ST6GAL1: variants seen among roughly 807,000 people sequenced by gnomAD.
ST6GAL1 encodes the protein ST6 beta-galactoside alpha-2,6-sialyltransferase 1.
ST6GAL1 carries 20 observed loss-of-function variants against 38.0 expected under a neutral mutation model. The observed-to-expected ratio is 0.53, with a 90% CI of 0.37 to 0.77. The LOEUF (loss-of-function observed/expected upper bound fraction) is 0.77. ST6GAL1 is among the 30% of genes least tolerant of loss of function. ST6GAL1 has a pLI of 0.00. For synonymous variants in ST6GAL1, 196 were observed against 188.2 expected (o/e 1.04, Z -0.34); for missense variants, 432 against 496.4 (o/e 0.87, Z 1.23).
intron 1 of ST6GAL1, among the ~76,000 whole-genome samples, chr3:186,956,787 G>A (rs1224958955): frequency 6.6e-6 from 1 of 152,186 alleles, no homozygotes; most frequent in Non-Finnish European, 1.5e-5. Flanking sequence ...AGAACATCCG[G>A]TCAGTTTTTA....
At chr3:186,934,258 C>T (rs1283107368) in intron 1 of ST6GAL1, among the ~76,000 whole-genome samples, 2 of 152,128 alleles carry the variant, frequency 1.3e-5, no homozygotes, top group Non-Finnish European at 2.9e-5. Context: ...CAGGCTGGGC[C>T]AGGTGTGGTG....
intron 2 of ST6GAL1, among the ~76,000 whole-genome samples, chr3:186,990,355 A>G (rs143578605): frequency 5.7e-4 from 87 of 152,294 alleles, no homozygotes; most frequent in African/African-American, 2.0e-3. Context: ...ATCTCTATCT[A>G]TTGAATGCAG....
intron 2 of ST6GAL1, among the ~76,000 whole-genome samples, chr3:186,969,796 G>A (rs1285465343): frequency 1.3e-5 from 2 of 152,194 alleles, no homozygotes; most frequent in Non-Finnish European, 2.9e-5. Flanking sequence ...AGTTATCTAG[G>A]CGAGGGAAGG....
chr3:186,962,688 A>G (rs1004922007), intron 1 of ST6GAL1, among the ~76,000 whole-genome samples: 10 of 152,320 alleles, frequency 6.6e-5, no homozygotes, highest in South Asian at 2.1e-4. Flanking sequence ...ACTGTGTCCA[A>G]AGAAAATAAT....
rs1714596822 is a variant in ST6GAL1, at chr3:186,952,044, A to G, written c.-324-11741A>G. Among the ~76,000 whole-genome samples, 2 of 152,202 alleles carry G rather than the reference A, an allele frequency of 1.3e-5. No homozygotes were observed. The highest frequency in any genetic ancestry group is 2.9e-5 in the Non-Finnish European group (2 of 68,036). On this transcript the variant is annotated intron_variant, in intron 1 of 7. Transcript: ENST00000169298. The surrounding 1 kb of genome is among the most constrained non-coding windows in gnomAD (Gnocchi z 4.1). ...ACCTGAGACTGAGTAATTTATAAAG[A>G]AAAGAGGTTTATTTGGCTCATGATT...
intron 5 of ST6GAL1, among the ~76,000 whole-genome samples, chr3:187,070,064 A>T (rs1391178520): frequency 1.3e-5 from 2 of 152,188 alleles, no homozygotes; most frequent in Non-Finnish European, 2.9e-5. Context: ...CATTTCAGCC[A>T]GGAGGAAGAA....
At chr3:187,051,182 C>T (rs1007031456) in intron 4 of ST6GAL1, 67 bp from the exon 5 acceptor site, 27 of 1,409,148 alleles carry the variant, frequency 1.9e-5, no homozygotes, top group African/African-American at 1.6e-4. Flanking sequence ...CCCCGCCTCT[C>T]GTCTTTCTCT....
intron 5 of ST6GAL1, 54 bp downstream of exon 5, chr3:187,051,400 C>G: frequency 6.5e-7 from 1 of 1,534,478 alleles, no homozygotes; most frequent in Non-Finnish European, 9.0e-7. Flanking sequence ...AGTGTGGGCT[C>G]TAATGTGGAA....
intron 1 of ST6GAL1, among the ~76,000 whole-genome samples, chr3:186,936,755 A>G (rs1476540373): frequency 6.6e-6 from 1 of 152,120 alleles, no homozygotes; most frequent in Non-Finnish European, 1.5e-5. Flanking sequence ...AGCCTGGCCA[A>G]CATCGTGAAA....
At position 187,076,005 on chromosome 3, in the gene ST6GAL1, C is replaced by A; in HGVS notation, c.*202C>A. On this transcript the variant is annotated 3_prime_UTR_variant, in exon 8 of 8. Coordinates refer to ENST00000169298, the MANE Select transcript of ST6GAL1 (RefSeq NM_173216.2). ...CCCTGTAGCCAGACAGTTTATGAGC[C>A]CAGAGCCTCCTGCCACACACATGCA... 1 of 691,946 alleles carries A rather than the reference C, an allele frequency of 1.4e-6. No homozygotes were observed. The highest frequency in any genetic ancestry group is 2.3e-6 in the Non-Finnish European group (1 of 427,372). The allele number at this position is 691,946 out of a possible 1,614,324, so 42.9% of individuals were successfully genotyped here. A position where few individuals can be genotyped will look rare whatever the true frequency, so the allele number is the denominator to read the frequency against.
intron 5 of ST6GAL1, among the ~76,000 whole-genome samples, chr3:187,059,353 C>T (rs1718830702): frequency 1.3e-5 from 2 of 152,278 alleles, no homozygotes; most frequent in African/African-American, 4.8e-5. Context: ...AGGGTTAGGA[C>T]CAGCTTTGTC....
At chr3:186,958,830 G>A (rs1714832464) in intron 1 of ST6GAL1, among the ~76,000 whole-genome samples, 1 of 151,934 alleles carries the variant, frequency 6.6e-6, no homozygotes. Context: ...GCATGCACCT[G>A]TAATCCCAGC....
At chr3:187,001,004 G>A (rs1436379487) in intron 2 of ST6GAL1, among the ~76,000 whole-genome samples, 1 of 152,190 alleles carries the variant, frequency 6.6e-6, no homozygotes, top group African/African-American at 2.4e-5. Context: ...TGTCAGGTGA[G>A]GCCATTGTTG....
intron 2 of ST6GAL1, among the ~76,000 whole-genome samples, chr3:187,013,573 CA>C (rs1422841792): frequency 1.3e-5 from 2 of 152,148 alleles, no homozygotes; most frequent in Non-Finnish European, 2.9e-5. Context: ...CTAAAAGTGG[CA>C]ACTATTGTTT....
At chr3:186,948,511 G>A (rs979104539) in intron 1 of ST6GAL1, among the ~76,000 whole-genome samples, 14 of 151,292 alleles carry the variant, frequency 9.3e-5, no homozygotes, top group Non-Finnish European at 1.5e-5. Context: ...GTATGCTCTT[G>A]GGGGTTCAGA....
At chr3:187,000,508 GCCAAGA>G (rs1716582775) in intron 2 of ST6GAL1, among the ~76,000 whole-genome samples, 1 of 152,180 alleles carries the variant, frequency 6.6e-6, no homozygotes. Flanking sequence ...GTGGCAGTGA[GCCAAGA>G]TTTTGCCATT....
intron 1 of ST6GAL1, among the ~76,000 whole-genome samples, chr3:186,947,545 G>A (rs1055504875): frequency 3.3e-5 from 5 of 152,036 alleles, no homozygotes; most frequent in African/African-American, 7.2e-5. Flanking sequence ...ATACATTTAC[G>A]TTTATGTTTA....
chr3:187,023,919 G>T (rs536355345), intron 2 of ST6GAL1, among the ~76,000 whole-genome samples: 2 of 149,620 alleles, frequency 1.3e-5, no homozygotes, highest in African/African-American at 2.5e-5. Context: ...TGAACCTATC[G>T]CATGAGTATT....
intron 3 of ST6GAL1, among the ~76,000 whole-genome samples, chr3:187,039,205 T>C (rs949479242): frequency 2.6e-5 from 4 of 152,232 alleles, no homozygotes; most frequent in African/African-American, 9.6e-5. Context: ...AGGATTTCCT[T>C]GCTTTGAGCA....
Sources: allele counts gnomAD v4.1 joint callset (sites outside exome capture counted in the v4.1 genomes callset), GRCh38; gene constraint gnomAD v4.1.1; non-coding constraint Gnocchi (gnomAD v3.1); transcripts MANE v1.5; gene names NCBI Gene and HGNC (gene_info 2026-07-23, HGNC 2026-07-21).